Variants in BRD4 observed in about 807,000 individuals in gnomAD.
The protein encoded by BRD4 is bromodomain containing 4.
In BRD4, 16 loss-of-function variants were observed where a neutral mutation model predicts 142.1. That is an observed-to-expected ratio of 0.11 (90% CI 0.08 to 0.17). The LOEUF is 0.17. Ranked by LOEUF, BRD4 falls within the 10% of genes least tolerant of loss-of-function variation. The pLI, the probability that BRD4 is intolerant of heterozygous loss-of-function variation, is 1.00. For synonymous variants in BRD4, 833 were observed against 707.5 expected, an observed-to-expected ratio of 1.18 and a Z score of -2.82; for missense variants, 1,424 against 1,810.9, an observed-to-expected ratio of 0.79 and a Z score of 3.88.
rs2047204505 is a variant in BRD4, at chr19:15,237,674, CTT to C, written c.*701_*702del. 4.3e-6 allele frequency: 1 copy of C among 231,916 alleles called. No individual in the cohort carries two copies. Among genetic ancestry groups the C allele is most frequent in the Non-Finnish European group, 8.5e-6 (1 of 117,392 alleles). The allele number at this position is 231,916 out of a possible 1,614,324, so 14.4% of individuals were successfully genotyped here. ...AGAAACACAGGTGGGAAGGAACTGA[CTT>C]TGGTTGGTGGCCTCACTCCCCGGCC... On this transcript the variant is annotated 3_prime_UTR_variant, in exon 20 of 20. Transcript: ENST00000679869.
rs2047420300 is a variant in BRD4, at chr19:15,257,192, G to A, written c.1342-19C>T. Reference sequence around the variant, plus strand: ...ACACATCCTGGTGAGGGAAAGACATGCTGTGACGGCTGCTGGGTACCCAGG... The same window carrying A: ...ACACATCCTGGTGAGGGAAAGACATACTGTGACGGCTGCTGGGTACCCAGG... On this transcript the variant is annotated intron_variant, in intron 7 of 19. Coordinates refer to ENST00000679869, the MANE Select transcript of BRD4 (RefSeq NM_001379291.1). The A allele has an allele frequency of 6.3e-7, 1 of 1,579,818 alleles. No individual in the cohort carries two copies. The highest frequency in any genetic ancestry group is 8.6e-7 in the Non-Finnish European group (1 of 1,163,844).
At chr19:15,289,677 GA>G (rs1188740404) in intron 1 of BRD4, among the ~76,000 whole-genome samples, 149 of 142,334 alleles carry the variant, frequency 1.0e-3, no homozygotes, top group African/African-American at 3.3e-3. Context: ...AAAAAAAAAA[GA>G]AAAAAAAAAG....
At chr19:15,317,334 A>C (rs760071625) in intron 1 of BRD4, among the ~76,000 whole-genome samples, 103 of 152,200 alleles carry the variant, frequency 6.8e-4, no homozygotes, top group Non-Finnish European at 9.3e-4. Flanking sequence ...TGGGGAGGGC[A>C]ATGTGGCAGT....
At chr19:15,312,883 C>T (rs1210451043) in intron 1 of BRD4, among the ~76,000 whole-genome samples, 1 of 152,010 alleles carries the variant, frequency 6.6e-6, no homozygotes, top group Non-Finnish European at 1.5e-5. Context: ...TTGCAGTGAG[C>T]GGAGGTCATG....
intron 10 of BRD4, 75 bp from the exon 11 acceptor site, chr19:15,254,337 C>T: frequency 7.9e-7 from 1 of 1,264,188 alleles, no homozygotes; most frequent in South Asian, 1.2e-5. Context: ...GGGCACACCC[C>T]ATCCATCTGG....
In BRD4 at chr19:15,301,456, G is replaced by A. The variant is rs181965784; in HGVS notation, c.-34-28323C>T. Reference sequence around the variant, plus strand: ...CGCACCTGTAATCCCAGGTACTCAGGAGGCTGAAGCAGGAGAATCACTTGA... The same window carrying A: ...CGCACCTGTAATCCCAGGTACTCAGAAGGCTGAAGCAGGAGAATCACTTGA... On this transcript the variant is annotated intron_variant, in intron 1 of 19. Transcript: ENST00000679869. Among the ~76,000 whole-genome samples the A allele has an allele frequency of 5.6e-3, 845 of 152,202 alleles. 5 individuals are homozygous for A. Among genetic ancestry groups the A allele is most frequent in the Admixed American group, 0.015 (235 of 15,272 alleles).
intron 1 of BRD4, among the ~76,000 whole-genome samples, chr19:15,282,443 C>A (rs2047712151): frequency 6.6e-6 from 1 of 152,200 alleles, no homozygotes; most frequent in Non-Finnish European, 1.5e-5. Context: ...CCTACTTACA[C>A]TGAAAACCAA....
chr19:15,247,531 G>A (rs1413536595), intron 11 of BRD4: 3 of 233,068 alleles, frequency 1.3e-5, no homozygotes. Context: ...AGGAGAGCTG[G>A]CTTGTGGCTA....
At chr19:15,242,260 A>C (rs1371143950) in intron 14 of BRD4, among the ~76,000 whole-genome samples, 2 of 152,156 alleles carry the variant, frequency 1.3e-5, no homozygotes, top group African/African-American at 4.8e-5. Flanking sequence ...CTGCAGCACC[A>C]CATCAGGAGG....
chr19:15,238,310 C>A lies in BRD4; in HGVS notation c.*67G>T. 6.2e-7 allele frequency: 1 copy of A among 1,602,276 alleles called. No homozygotes were observed. The highest frequency in any genetic ancestry group is 8.5e-7 in the Non-Finnish European group (1 of 1,173,196). ...TGGCCGCTGATCCCACCTCCACCAC[C>A]GCCCCTAACACTATGGAAAGTCAAT... On this transcript the variant is annotated 3_prime_UTR_variant, in exon 20 of 20. Coordinates refer to ENST00000679869, the MANE Select transcript of BRD4 (RefSeq NM_001379291.1). This position sits in a 1 kb window ranked among gnomAD's most constrained non-coding sequence, Gnocchi z 7.2.
intron 1 of BRD4, among the ~76,000 whole-genome samples, chr19:15,316,012 C>G (rs929333949): frequency 6.6e-6 from 1 of 151,244 alleles, no homozygotes; most frequent in Non-Finnish European, 1.5e-5. Context: ...AAAAATTAGC[C>G]GGGCGTAGTG....
intron 1 of BRD4, among the ~76,000 whole-genome samples, chr19:15,328,664 C>T (rs1325785830): frequency 6.6e-6 from 1 of 152,198 alleles, no homozygotes; most frequent in Admixed American, 6.5e-5. Context: ...TTACTTCTCC[C>T]GTTTATTCAT....
intron 1 of BRD4, among the ~76,000 whole-genome samples, chr19:15,311,639 TA>T (rs112632875): frequency 2.8e-3 from 399 of 140,540 alleles, no homozygotes; most frequent in Middle Eastern, 3.8e-3. Context: ...AAAAATACAT[TA>T]AAAAAAAAAA....
chr19:15,289,194 G>C (rs955374243), intron 1 of BRD4, among the ~76,000 whole-genome samples: 3 of 152,216 alleles, frequency 2.0e-5, no homozygotes, highest in African/African-American at 7.2e-5. Flanking sequence ...AGGCAGGCTT[G>C]AGATGTTTCT....
At chr19:15,240,895 T>C (rs926511929) in intron 14 of BRD4, among the ~76,000 whole-genome samples, 1 of 152,206 alleles carries the variant, frequency 6.6e-6, no homozygotes, top group African/African-American at 2.4e-5. Flanking sequence ...TGCAACGCTT[T>C]TGCTCCCAGC....
Position 15,298,620 on chromosome 19 carries a change from CAAAAAAAAAAAAAAAAAAAAAAAA to C in BRD4, c.-34-25511_-34-25488del, listed in dbSNP as rs57719337. Among the ~76,000 whole-genome samples the C allele has an allele frequency of 5.1e-4, 34 of 66,032 alleles. 1 individual carries two copies. The East Asian group carries it at 6.3e-3, about 12-fold the overall frequency. The allele number at this position is 66,032 out of a possible 152,430, so 43.3% of individuals were successfully genotyped here. ...TGGGCAACAGGGCGAGACTCCAACTCAAAAAAAAAAAAAAAAAAAAAAAAAAAAAAAAAAAAAAAAGCTTGTGGT... is the reference window on the plus strand; with the variant it reads ...TGGGCAACAGGGCGAGACTCCAACTCAAAAAAAAAAAAAAAAGCTTGTGGT... On this transcript the variant is annotated intron_variant, in intron 1 of 19. Coordinates refer to ENST00000679869, the MANE Select transcript of BRD4 (RefSeq NM_001379291.1).
intron 1 of BRD4, chr19:15,275,912 T>C (rs1031536584): frequency 2.6e-5 from 4 of 152,224 alleles, no homozygotes; most frequent in Non-Finnish European, 5.9e-5. Flanking sequence ...AGAACTGCCT[T>C]GAACCTGGGA....
In BRD4 at chr19:15,239,104, T is replaced by G; in HGVS notation, c.3737A>C (p.Glu1246Ala). The G allele has an allele frequency of 1.2e-6, 2 of 1,608,214 alleles. No individual in the cohort carries two copies. Among genetic ancestry groups the G allele is most frequent in the Non-Finnish European group, 1.7e-6 (2 of 1,179,524 alleles). The change falls in exon 18 of 20, where the codon GAG becomes GCG. Residue 1246 changes from glutamate to alanine, a missense_variant. By Grantham distance (107) the Glu-to-Ala change is moderately radical. This residue lies in a region of BRD4 where 109 missense variants were observed against 117.9 expected (regional missense o/e 0.92). Transcript: ENST00000679869. This position sits in a 1 kb window ranked among gnomAD's most constrained non-coding sequence, Gnocchi z 7.4. ...CCGCTCCTTCTCCTTCTCAGCGTGCTCGGCCTGAGCCTTCAGGGCCTTCTC... is the reference window on the plus strand; with the variant it reads ...CCGCTCCTTCTCCTTCTCAGCGTGCGCGGCCTGAGCCTTCAGGGCCTTCTC... ...EREKALKAQAEHAEKEKERLR... is the reference protein window; with the variant it reads ...EREKALKAQAAHAEKEKERLR...
intron 1 of BRD4, among the ~76,000 whole-genome samples, chr19:15,318,967 A>G (rs1599526150): frequency 6.6e-6 from 1 of 152,220 alleles, no homozygotes; most frequent in African/African-American, 2.4e-5. Context: ...GATTTTTGCA[A>G]GGACAAACCA....
Sources: gnomAD v4.1 joint callset for allele counts (sites outside exome capture counted in the v4.1 genomes callset) on GRCh38, gnomAD v4.1.1 for gene constraint, gnomAD v4.1.1 regional missense constraint, Gnocchi (gnomAD v3.1) non-coding constraint, MANE v1.5 for transcripts, NCBI Gene and HGNC (gene_info 2026-07-23, HGNC 2026-07-21) for gene names.